Variants in XKR9 observed in about 807,000 individuals in gnomAD.
XKR9 encodes the protein XK related 9.
Under a neutral mutation model 32.0 loss-of-function variants are expected in XKR9, and 32 were observed. The observed-to-expected ratio is 1.00, with a 90% CI of 0.76 to 1.34. The LOEUF (loss-of-function observed/expected upper bound fraction) is 1.34. Ranked by LOEUF, XKR9 falls within the 40% of genes most tolerant of loss-of-function variation. The probability of loss-of-function intolerance (pLI) is 0.00; values close to 1 mark genes in which losing one functional copy is unlikely to be tolerated. For missense variants in XKR9, 546 were observed against 429.7 expected, an observed-to-expected ratio of 1.27 and a Z score of -2.39; for synonymous variants, 168 against 143.4, an observed-to-expected ratio of 1.17 and a Z score of -1.22.
At chr8:71,009,329 GT>G in the XKR9 span, among the ~76,000 whole-genome samples, 2 of 152,266 alleles carry the variant, frequency 1.3e-5, no homozygotes, top group Admixed American at 1.3e-4. Context: ...TATGTGTTTT[GT>G]TTTGTTTTTT....
chr8:70,789,005 A>C (rs2130265901), intron 2 of XKR9, among the ~76,000 whole-genome samples: 1 of 152,148 alleles, frequency 6.6e-6, no homozygotes, highest in East Asian at 1.9e-4. Flanking sequence ...AAATATAGTG[A>C]AGTTCCTTAT....
At chr8:70,740,384 A>G (rs556569175), downstream of XKR9, among the ~76,000 whole-genome samples, 25 of 152,030 alleles carry the variant, frequency 1.6e-4, no homozygotes, top group South Asian at 2.3e-3. Context: ...TTTTTTTCAA[A>G]GTTTTTAACT....
At chr8:70,812,798 C>G in the XKR9 span, among the ~76,000 whole-genome samples, 1 of 152,250 alleles carries the variant, frequency 6.6e-6, no homozygotes, top group East Asian at 1.9e-4. Context: ...AAAGAGGATA[C>G]AAACAAATGG....
At chr8:70,761,876 G>A (rs890813531) in intron 2 of XKR9, among the ~76,000 whole-genome samples, 7 of 149,404 alleles carry the variant, frequency 4.7e-5, no homozygotes, top group African/African-American at 1.5e-4. Context: ...TTTGTATATG[G>A]TGTCAGGAAG....
chr8:70,730,068 G>C (rs1037617859), intron 4 of XKR9, among the ~76,000 whole-genome samples: 3 of 151,978 alleles, frequency 2.0e-5, no homozygotes, highest in Non-Finnish European at 4.4e-5. Flanking sequence ...TATTTTTTAA[G>C]GCAAAACCCT....
intron 3 of XKR9, among the ~76,000 whole-genome samples, chr8:70,695,688 T>C (rs1301279529): frequency 5.3e-5 from 8 of 152,080 alleles, no homozygotes; most frequent in South Asian, 4.1e-4. Context: ...TTTGGGTATA[T>C]ACTCAGTAAT....
chr8:70,781,938 G>C (rs1266541046), intron 2 of XKR9, among the ~76,000 whole-genome samples: 1 of 152,110 alleles, frequency 6.6e-6, no homozygotes, highest in Non-Finnish European at 1.5e-5. Flanking sequence ...TATGGATTTA[G>C]GAAAACAAAG....
chr8:70,904,597 A>G, the XKR9 span, among the ~76,000 whole-genome samples: 1 of 152,142 alleles, frequency 6.6e-6, no homozygotes, highest in East Asian at 1.9e-4. Flanking sequence ...GTGTTTTTTA[A>G]TTGGAGCATT....
At chr8:70,796,619 C>G in the XKR9 span, among the ~76,000 whole-genome samples, 1 of 152,132 alleles carries the variant, frequency 6.6e-6, no homozygotes, top group South Asian at 2.1e-4. Flanking sequence ...TCTTTTGTAA[C>G]TCTAATAATG....
At chr8:71,023,499 T>C in the XKR9 span, among the ~76,000 whole-genome samples, 1 of 152,184 alleles carries the variant, frequency 6.6e-6, no homozygotes, top group Admixed American at 6.5e-5. Context: ...GTGGTGGCAG[T>C]AGTGGGCTGA....
intron 1 of XKR9, among the ~76,000 whole-genome samples, chr8:70,672,849 AT>A (rs1818760263): frequency 6.6e-6 from 1 of 152,070 alleles, no homozygotes; most frequent in Non-Finnish European, 1.5e-5. Flanking sequence ...TTTGTTGGCC[AT>A]TTGTATGTCT....
At chr8:70,793,901 G>GTT (rs2130275606), downstream of XKR9, among the ~76,000 whole-genome samples, 1 of 152,106 alleles carries the variant, frequency 6.6e-6, no homozygotes, top group East Asian at 1.9e-4. Flanking sequence ...GTCAGTTGAA[G>GTT]TTTTGATAGT....
At chr8:70,839,054 G>T in the XKR9 span, among the ~76,000 whole-genome samples, 1 of 151,982 alleles carries the variant, frequency 6.6e-6, no homozygotes. Flanking sequence ...AATCTTACTG[G>T]TCTATTCTGA....
the XKR9 span, among the ~76,000 whole-genome samples, chr8:70,974,487 G>A: frequency 1.3e-5 from 2 of 152,158 alleles, no homozygotes; most frequent in Admixed American, 6.5e-5. Flanking sequence ...GTGAGAACAT[G>A]CAGTGTTTGG....
intron 2 of XKR9, among the ~76,000 whole-genome samples, chr8:70,754,640 C>T (rs1292734786): frequency 6.6e-6 from 1 of 151,406 alleles, no homozygotes; most frequent in East Asian, 1.9e-4. Context: ...TTTGACAAAC[C>T]TGACAAAAAC....
the XKR9 span, among the ~76,000 whole-genome samples, chr8:70,936,042 G>A: frequency 1.9e-4 from 29 of 151,930 alleles, no homozygotes; most frequent in Admixed American, 9.2e-4. Context: ...GGGTCTTGGT[G>A]GATAAGAAAC....
the XKR9 span, among the ~76,000 whole-genome samples, chr8:70,821,464 C>A: frequency 6.6e-6 from 1 of 152,224 alleles, no homozygotes; most frequent in Admixed American, 6.5e-5. Flanking sequence ...CTCCACTAGG[C>A]AGCTCCCCAG....
the XKR9 span, among the ~76,000 whole-genome samples, chr8:70,993,600 ATCTTCCTT>A: frequency 2.5e-4 from 20 of 79,326 alleles, no homozygotes; most frequent in South Asian, 6.2e-3. Context: ...TTCATAGGAC[ATCTTCCTT>A]CCTTCCTTCC....
the XKR9 span, among the ~76,000 whole-genome samples, chr8:70,953,023 T>G: frequency 6.6e-6 from 1 of 152,240 alleles, no homozygotes; most frequent in East Asian, 1.9e-4. Context: ...GAATGTGGCA[T>G]GAGCTGCATT....
Sources: allele counts gnomAD v4.1 joint callset (sites outside exome capture counted in the v4.1 genomes callset), GRCh38; gene constraint gnomAD v4.1.1; transcripts MANE v1.5; gene names NCBI Gene and HGNC (gene_info 2026-07-23, HGNC 2026-07-21).